Variants in MAPKAPK5 observed in about 807,000 individuals in gnomAD.
The protein encoded by MAPKAPK5 is MAP kinase-activated protein kinase 5.
Under a neutral mutation model 65.1 loss-of-function variants are expected in MAPKAPK5, and 30 were observed. The observed-to-expected ratio is 0.46, with a 90% CI of 0.34 to 0.63. MAPKAPK5 has a LOEUF of 0.63. Ranked by LOEUF, MAPKAPK5 falls within the 20% of genes least tolerant of loss-of-function variation. The pLI is 0.01. For synonymous variants in MAPKAPK5, 179 were observed against 204.6 expected, an observed-to-expected ratio of 0.87 and a Z score of 1.07; for missense variants, 433 against 581.4, an observed-to-expected ratio of 0.74 and a Z score of 2.63.
intron 1 of MAPKAPK5, among the ~76,000 whole-genome samples, chr12:111,853,130 C>T (rs1184057381): frequency 6.6e-6 from 1 of 152,052 alleles, no homozygotes; most frequent in Non-Finnish European, 1.5e-5. Context: ...CTTTGGGAGG[C>T]TGAGGTGGGC....
At chr12:111,882,552 G>A (rs1371124489) in intron 8 of MAPKAPK5, among the ~76,000 whole-genome samples, 1 of 152,172 alleles carries the variant, frequency 6.6e-6, no homozygotes, top group Non-Finnish European at 1.5e-5. Flanking sequence ...GGCTTGAATT[G>A]AAGCCTCTGC....
intron 7 of MAPKAPK5, among the ~76,000 whole-genome samples, chr12:111,878,377 G>T (rs964542023): frequency 6.6e-6 from 1 of 151,760 alleles, no homozygotes; most frequent in Non-Finnish European, 1.5e-5. Flanking sequence ...ATGTCCAGTT[G>T]TTCTAGCACC....
At chr12:111,888,754 A>G in intron 11 of MAPKAPK5, 131 bp from the exon 12 acceptor site, 1 of 1,505,024 alleles carries the variant, frequency 6.6e-7, no homozygotes, top group Non-Finnish European at 9.0e-7. Flanking sequence ...AGTTCTTTAA[A>G]TAGTATCAGG....
intron 7 of MAPKAPK5, among the ~76,000 whole-genome samples, chr12:111,876,198 T>C (rs1292086547): frequency 8.8e-6 from 1 of 113,806 alleles, no homozygotes; most frequent in African/African-American, 3.6e-5. Flanking sequence ...AGAGCGAGAC[T>C]CCATCTCAAA....
chr12:111,887,352 C>T (rs1250377687), intron 10 of MAPKAPK5, among the ~76,000 whole-genome samples: 4 of 152,104 alleles, frequency 2.6e-5, no homozygotes, highest in South Asian at 4.2e-4. Flanking sequence ...GTTGTCAGCA[C>T]ATAGAGGTTA....
rs1175358720 is a variant in MAPKAPK5, at chr12:111,901,944, G to GCAT, written c.*8885_*8887dup. On this transcript the variant is annotated 3_prime_UTR_variant, in exon 14 of 14. Coordinates refer to ENST00000550735, the MANE Select transcript of MAPKAPK5 (RefSeq NM_003668.4). ...CACATTTCATTTGAACCATTAACAT[G>GCAT]CATCTTTGGACATCAATGTCCTTGT... The GCAT allele has an allele frequency of 2.0e-5, 3 of 152,766 alleles. No individual in the cohort carries two copies. Among genetic ancestry groups the GCAT allele is most frequent in the African/African-American group, 7.2e-5 (3 of 41,418 alleles). 9.5% of individuals were successfully genotyped at this position (152,766 alleles called of 1,614,324 possible).
At chr12:111,864,740 T>G (rs1013684499) in intron 1 of MAPKAPK5, among the ~76,000 whole-genome samples, 2 of 152,236 alleles carry the variant, frequency 1.3e-5, no homozygotes, top group Admixed American at 6.5e-5. Context: ...ATTAGATGTT[T>G]ACTATGATAT....
intron 13 of MAPKAPK5, among the ~76,000 whole-genome samples, chr12:111,890,670 T>C (rs2070571773): frequency 6.6e-6 from 1 of 152,218 alleles, no homozygotes; most frequent in South Asian, 2.1e-4. Flanking sequence ...CTGCCTTGTT[T>C]TTCTTGAGGC....
intron 1 of MAPKAPK5, among the ~76,000 whole-genome samples, chr12:111,847,844 C>T (rs1363251448): frequency 1.3e-5 from 2 of 152,162 alleles, no homozygotes; most frequent in African/African-American, 2.4e-5. Flanking sequence ...TAGTTTTTGC[C>T]TTCTCCAGAA....
At chr12:111,857,322 A>G (rs1467418390) in intron 1 of MAPKAPK5, among the ~76,000 whole-genome samples, 1 of 150,296 alleles carries the variant, frequency 6.7e-6, no homozygotes, top group Non-Finnish European at 1.5e-5. Flanking sequence ...GCTCACTGCA[A>G]CCTCCACCTC....
chr12:111,888,993 C>T lies in MAPKAPK5; in HGVS notation c.1209C>T (p.Pro403=). ...LRDVIAQCIL[P]QAGENEDEKL... The stretch of plus-strand genomic sequence containing the variant: ...ATGTGATTGCTCAGTGTATTCTCCC[C>T]CAGGCTGGTAAAGGTCACACCATTT... Residue 403 remains proline (P), a synonymous_variant, in exon 12 of 14, where the codon CCC becomes CCT. Coordinates refer to ENST00000550735, the MANE Select transcript of MAPKAPK5 (RefSeq NM_003668.4). 6.3e-7 allele frequency: 1 copy of T among 1,578,688 alleles called. No homozygotes were observed. Among genetic ancestry groups the T allele is most frequent in the Non-Finnish European group, 8.6e-7 (1 of 1,161,700 alleles).
At chr12:111,863,239 G>A (rs2069500892) in intron 1 of MAPKAPK5, among the ~76,000 whole-genome samples, 1 of 152,190 alleles carries the variant, frequency 6.6e-6, no homozygotes, top group Non-Finnish European at 1.5e-5. Flanking sequence ...TCAGAAGGGA[G>A]TTTGTATAGC....
chr12:111,870,478 C>A (rs558850137), intron 6 of MAPKAPK5, 118 bp downstream of exon 6: 20 of 648,814 alleles, frequency 3.1e-5, no homozygotes, highest in Non-Finnish European at 5.2e-5. Context: ...GTGCTTCAAA[C>A]AGCTTATTTC....
chr12:111,894,444 C>T lies in MAPKAPK5; in HGVS notation c.*1383C>T, dbSNP rs1321632599. ...CTCCATTACTCCTTATTTCTGTTCC[C>T]TGTTCCTCTGGTCCTGTTTTTGGAA... On this transcript the variant is annotated 3_prime_UTR_variant, in exon 14 of 14. Coordinates refer to ENST00000550735, the MANE Select transcript of MAPKAPK5 (RefSeq NM_003668.4). The T allele has an allele frequency of 6.6e-6, 1 of 152,286 alleles. No individual in the cohort carries two copies. Among genetic ancestry groups the T allele is most frequent in the African/African-American group, 2.4e-5 (1 of 41,416 alleles). The allele number at this position is 152,286 out of a possible 1,614,324, so 9.4% of individuals were successfully genotyped here.
chr12:111,871,191 G>A lies in MAPKAPK5; in HGVS notation c.579+11G>A, dbSNP rs2069770334. 1.9e-6 allele frequency: 3 copies of A among 1,609,972 alleles called. No individual in the cohort carries two copies. Among genetic ancestry groups the A allele is most frequent in the Non-Finnish European group, 8.5e-7 (1 of 1,177,140 alleles). Reference sequence around the variant, plus strand: ...TATGTAGCACCCCAGGTAAGCATGTGCGGTTTCTGTCCTAAGATCTGTCAC... The same window carrying A: ...TATGTAGCACCCCAGGTAAGCATGTACGGTTTCTGTCCTAAGATCTGTCAC... On this transcript the variant is annotated intron_variant, in intron 7 of 13. Transcript: ENST00000550735.
intron 12 of MAPKAPK5, 80 bp downstream of exon 12, chr12:111,889,080 A>G: frequency 7.0e-7 from 1 of 1,437,872 alleles, no homozygotes; most frequent in African/African-American, 1.4e-5. Flanking sequence ...ATGCATGCAC[A>G]TGGCAAAAGG....
At chr12:111,889,722 T>C (rs968255651) in intron 12 of MAPKAPK5, 2 of 249,826 alleles carry the variant, frequency 8.0e-6, no homozygotes, top group Non-Finnish European at 8.0e-6. Flanking sequence ...TAGCCCACTC[T>C]CCCACTTTTT....
chr12:111,870,419 G>C (rs1393868241), intron 6 of MAPKAPK5, 59 bp downstream of exon 6: 1 of 1,413,580 alleles, frequency 7.1e-7, no homozygotes, highest in East Asian at 2.3e-5. Context: ...TTCAGGAGTG[G>C]GTGTGTTTGG....
chr12:111,892,770 T>A (rs531516311), intron 13 of MAPKAPK5, among the ~76,000 whole-genome samples, 197 bp from the exon 14 acceptor site: 28 of 152,322 alleles, frequency 1.8e-4, no homozygotes, highest in Admixed American at 9.2e-4. Context: ...GGATTTTTAC[T>A]GCCAGGTTAG....
Sources: allele counts gnomAD v4.1 joint callset (sites outside exome capture counted in the v4.1 genomes callset), GRCh38; gene constraint gnomAD v4.1.1; transcripts MANE v1.5; gene names NCBI Gene and HGNC (gene_info 2026-07-23, HGNC 2026-07-21).